The following TEX11 variants were observed in gnomAD, a reference collection of about 807,000 sequenced individuals.
The protein encoded by TEX11 is testis-expressed protein 11.
A neutral mutation model predicts 84.4 loss-of-function variants in TEX11; 7 were observed. The observed-to-expected ratio is 0.08, with a 90% CI of 0.05 to 0.16. TEX11 has a LOEUF of 0.16. Among genes scored for constraint, TEX11 ranks in the 10% least tolerant of loss-of-function variants. The pLI is 1.00. For synonymous variants in TEX11, 264 were observed against 222.8 expected (o/e 1.18, Z -1.64); for missense variants, 551 against 660.5 (o/e 0.83, Z 1.82).
At chrX:70,778,071 C>T (rs2091013317) in intron 9 of TEX11, among the ~76,000 whole-genome samples, 1 of 111,542 alleles carries the variant, frequency 9.0e-6, no homozygotes. Context: ...ATGCAAATAG[C>T]AACCAAAAGA....
intron 25 of TEX11, 125 bp from the exon 26 acceptor site, chrX:70,554,925 T>C: frequency 5.0e-6 from 3 of 605,483 alleles, no homozygotes; most frequent in Non-Finnish European, 7.3e-6. Flanking sequence ...AATTTGAAGG[T>C]CATCTTCACT....
chrX:70,713,400 G>A (rs1425531731), intron 13 of TEX11, among the ~76,000 whole-genome samples: 1 of 111,687 alleles, frequency 9.0e-6, no homozygotes, highest in African/African-American at 3.2e-5. Flanking sequence ...GGTAGAATTC[G>A]GCTGTGAATC....
chrX:70,869,127 TAAAGA>T (rs1284606749), intron 4 of TEX11, among the ~76,000 whole-genome samples: 14 of 105,849 alleles, frequency 1.3e-4, no homozygotes, highest in Non-Finnish European at 2.0e-4. Flanking sequence ...CAAAATAAAA[TAAAGA>T]AAAGAAAAAG....
intron 13 of TEX11, among the ~76,000 whole-genome samples, chrX:70,714,223 A>G (rs1051505364): frequency 3.6e-5 from 4 of 110,936 alleles, no homozygotes; most frequent in African/African-American, 6.5e-5. Context: ...TATGTGGTCA[A>G]TTTTGGAATA....
At chrX:70,513,707 G>A in the TEX11 span, among the ~76,000 whole-genome samples, 6 of 107,546 alleles carry the variant, frequency 5.6e-5, no homozygotes, top group Non-Finnish European at 9.6e-5. Flanking sequence ...CTGGATCATG[G>A]TTTAAAATAC....
At chrX:70,579,285 G>A (rs778550300) in intron 25 of TEX11, among the ~76,000 whole-genome samples, 44 of 104,893 alleles carry the variant, frequency 4.2e-4, no homozygotes, top group African/African-American at 1.3e-3. Context: ...TCAGGAGATC[G>A]AGACCATCCT....
At chrX:70,558,892 G>T (rs1405785544) in intron 25 of TEX11, among the ~76,000 whole-genome samples, 1 of 111,829 alleles carries the variant, frequency 8.9e-6, no homozygotes, top group Non-Finnish European at 1.9e-5. Flanking sequence ...CACTAGGATG[G>T]CTAGAATAAA....
intron 11 of TEX11, among the ~76,000 whole-genome samples, chrX:70,732,219 A>C (rs1296039181): frequency 2.7e-5 from 3 of 111,780 alleles, no homozygotes; most frequent in Admixed American, 9.5e-5. Flanking sequence ...CAAAAACTGG[A>C]AGCATTCCCT....
At chrX:70,686,809 A>G (rs1027709274) in intron 13 of TEX11, among the ~76,000 whole-genome samples, 1 of 111,725 alleles carries the variant, frequency 9.0e-6, no homozygotes, top group Non-Finnish European at 1.9e-5. Flanking sequence ...TGCTTATTCT[A>G]AAATACTAGA....
At chrX:70,569,006 A>C (rs1226635552) in intron 25 of TEX11, among the ~76,000 whole-genome samples, 5 of 111,892 alleles carry the variant, frequency 4.5e-5, no homozygotes, top group African/African-American at 1.6e-4. Context: ...AGTGTTTTCC[A>C]ACTTGGTTCC....
At chrX:70,858,304 C>T (rs1490375977) in intron 5 of TEX11, among the ~76,000 whole-genome samples, 2 of 107,882 alleles carry the variant, frequency 1.9e-5, no homozygotes, top group Non-Finnish European at 1.9e-5. Flanking sequence ...AAAAATTAGC[C>T]GGGTGCAGTG....
intron 13 of TEX11, among the ~76,000 whole-genome samples, chrX:70,715,684 C>T (rs978127636): frequency 9.0e-6 from 1 of 111,585 alleles, no homozygotes; most frequent in Admixed American, 9.6e-5. Context: ...TTCTAGTTAG[C>T]CATTTGTCTA....
chrX:70,720,766 T>TATATAATATATATATAC (rs1323757968), intron 13 of TEX11, among the ~76,000 whole-genome samples: 1 of 29,195 alleles, frequency 3.4e-5, no homozygotes, highest in Admixed American at 3.4e-4. Context: ...ATTATATACA[T>TATATAATATATATATAC]ATATATAATA....
At chrX:70,812,921 C>T (rs1015983069) in intron 8 of TEX11, among the ~76,000 whole-genome samples, 1 of 111,243 alleles carries the variant, frequency 9.0e-6, no homozygotes, top group African/African-American at 3.3e-5. Flanking sequence ...TCTGAATAGA[C>T]CAATAACAGG....
At chrX:70,610,218 G>A (rs905575320) in intron 21 of TEX11, among the ~76,000 whole-genome samples, 1 of 80,550 alleles carries the variant, frequency 1.2e-5, no homozygotes, top group Admixed American at 1.4e-4. Context: ...AAGAGAGGGA[G>A]GGAGGGAGGG....
At chrX:70,590,595 C>A (rs926727497) in intron 25 of TEX11, among the ~76,000 whole-genome samples, 1 of 111,381 alleles carries the variant, frequency 9.0e-6, no homozygotes, top group Non-Finnish European at 1.9e-5. Flanking sequence ...AATTCTGAAA[C>A]AGGGACAGAA....
chrX:70,745,690 T>C (rs1000679263), intron 9 of TEX11, among the ~76,000 whole-genome samples: 4 of 112,048 alleles, frequency 3.6e-5, no homozygotes, highest in African/African-American at 1.3e-4. Context: ...GCCAATACTG[T>C]GCCACTGCAC....
At chrX:70,625,466 G>A (rs2089440084) in intron 18 of TEX11, among the ~76,000 whole-genome samples, 1 of 111,509 alleles carries the variant, frequency 9.0e-6, no homozygotes, top group Non-Finnish European at 1.9e-5. Flanking sequence ...CAAGGATGCT[G>A]CTTCCACTGA....
chrX:70,785,231 T>C (rs1219724749), intron 9 of TEX11, among the ~76,000 whole-genome samples: 1 of 112,166 alleles, frequency 8.9e-6, no homozygotes, highest in Non-Finnish European at 1.9e-5. Context: ...TGGGAAAGGA[T>C]TCCCTATTTA....
Sources: gnomAD v4.1 joint callset for allele counts (sites outside exome capture counted in the v4.1 genomes callset) on GRCh38, gnomAD v4.1.1 for gene constraint, MANE v1.5 for transcripts, NCBI Gene and HGNC (gene_info 2026-07-23, HGNC 2026-07-21) for gene names.